EPHA6: variants seen among roughly 807,000 people sequenced by gnomAD.
EPHA6 encodes the protein EPH receptor A6, also known as ephrin type-A receptor 6.
EPHA6 carries 50 observed loss-of-function variants against 112.0 expected under a neutral mutation model. The ratio of observed to expected loss-of-function variants is 0.45; its 90% CI spans 0.36 to 0.56. The LOEUF is 0.56. Among genes scored for constraint, EPHA6 ranks in the 20% least tolerant of loss-of-function variants. The pLI, the probability that EPHA6 is intolerant of heterozygous loss-of-function variation, is 0.00. For missense variants in EPHA6, 1,280 were observed against 1,417.4 expected (o/e 0.90, Z 1.56); for synonymous variants, 529 against 490.7 (o/e 1.08, Z -1.03).
At chr3:97,334,341 G>C (rs78303940) in intron 5 of EPHA6, among the ~76,000 whole-genome samples, 1 of 151,932 alleles carries the variant, frequency 6.6e-6, no homozygotes, top group Non-Finnish European at 1.5e-5. Context: ...TAAAAGAAGA[G>C]ATTTTCTGGA....
rs1469478461 is a variant in EPHA6, at chr3:97,352,474, G to C, written c.1607-52676G>C. ...GCAGCAGCCACATGGCATAGAGAGAGTGTGTGCTTGGAGGAGAGAGAATGC... is the reference window on the plus strand; with the variant it reads ...GCAGCAGCCACATGGCATAGAGAGACTGTGTGCTTGGAGGAGAGAGAATGC... On this transcript the variant is annotated intron_variant, in intron 5 of 17. Coordinates refer to ENST00000389672, the MANE Select transcript of EPHA6 (RefSeq NM_001080448.3). 2.0e-5 allele frequency among the ~76,000 whole-genome samples: 3 copies of C among 152,206 alleles called. No individual in the cohort carries two copies. In the East Asian group the frequency reaches 5.8e-4, roughly 29 times the overall value.
intron 6 of EPHA6, among the ~76,000 whole-genome samples, chr3:97,425,495 G>A (rs1047024418): frequency 2.0e-5 from 3 of 152,238 alleles, no homozygotes; most frequent in Non-Finnish European, 4.4e-5. Context: ...TGGAGTGGCT[G>A]GGATGCAGGG....
intron 10 of EPHA6, among the ~76,000 whole-genome samples, chr3:97,521,052 C>A (rs1192550106): frequency 1.3e-5 from 2 of 151,480 alleles, no homozygotes; most frequent in Non-Finnish European, 2.9e-5. Context: ...CTGCTTGGTT[C>A]TTTTTTTATA....
At chr3:97,322,354 G>A (rs917577453) in intron 5 of EPHA6, among the ~76,000 whole-genome samples, 3 of 151,898 alleles carry the variant, frequency 2.0e-5, no homozygotes, top group Admixed American at 6.6e-5. Context: ...GTTTATGGAA[G>A]GCAAACTCAG....
At chr3:97,085,946 T>TATATATATATATATATATAC (rs952418337) in intron 3 of EPHA6, among the ~76,000 whole-genome samples, 1 of 145,046 alleles carries the variant, frequency 6.9e-6, no homozygotes, top group African/African-American at 2.8e-5. Context: ...TATATATATA[T>TATATATATATATATATATAC]ATACACACTG....
chr3:97,262,857 A>C (rs2108622705), intron 5 of EPHA6, among the ~76,000 whole-genome samples: 1 of 152,234 alleles, frequency 6.6e-6, no homozygotes, highest in Non-Finnish European at 1.5e-5. Flanking sequence ...CTACAATAAA[A>C]CTTGGCTCAT....
intron 3 of EPHA6, among the ~76,000 whole-genome samples, chr3:97,184,826 T>C (rs1324649123): frequency 6.6e-6 from 1 of 152,200 alleles, no homozygotes; most frequent in East Asian, 1.9e-4. Flanking sequence ...ACTTCAAGGC[T>C]ACAGTAACCA....
chr3:97,350,018 C>T (rs764471912), intron 5 of EPHA6, among the ~76,000 whole-genome samples: 19 of 151,354 alleles, frequency 1.3e-4, no homozygotes, highest in Non-Finnish European at 2.1e-4. Context: ...CTACTTCTCA[C>T]GAATTAGATA....
intron 14 of EPHA6, among the ~76,000 whole-genome samples, chr3:97,649,453 A>G (rs997577094): frequency 2.6e-5 from 4 of 152,192 alleles, no homozygotes; most frequent in Middle Eastern, 3.4e-3. Context: ...AAAGCTACAT[A>G]TAGCAGCATA....
At chr3:97,716,714 T>C (rs1189802208) in intron 14 of EPHA6, among the ~76,000 whole-genome samples, 1 of 152,138 alleles carries the variant, frequency 6.6e-6, no homozygotes. Flanking sequence ...CTGTATCCCG[T>C]ATATATCCTC....
chr3:97,523,555 G>A (rs2092575454), intron 10 of EPHA6, among the ~76,000 whole-genome samples: 1 of 152,014 alleles, frequency 6.6e-6, no homozygotes, highest in Non-Finnish European at 1.5e-5. Context: ...GTAAAGGGTT[G>A]TTGAAGCCCA....
intron 6 of EPHA6, among the ~76,000 whole-genome samples, chr3:97,424,048 T>G (rs560239754): frequency 6.6e-6 from 1 of 152,228 alleles, no homozygotes; most frequent in African/African-American, 2.4e-5. Flanking sequence ...GAAAGAGGTT[T>G]AATGGACTCA....
At chr3:96,914,286 A>G (rs899057465) in intron 2 of EPHA6, among the ~76,000 whole-genome samples, 2 of 152,104 alleles carry the variant, frequency 1.3e-5, no homozygotes, top group Non-Finnish European at 2.9e-5. Flanking sequence ...TATCTACTTA[A>G]TTGTCTTGAT....
intron 10 of EPHA6, among the ~76,000 whole-genome samples, chr3:97,502,377 C>T (rs1324502753): frequency 6.6e-6 from 1 of 151,266 alleles, no homozygotes; most frequent in Non-Finnish European, 1.5e-5. Flanking sequence ...CCACGTTGGG[C>T]AGGCTGGTCT....
intron 5 of EPHA6, among the ~76,000 whole-genome samples, chr3:97,251,269 G>A (rs965915095): frequency 2.0e-5 from 3 of 152,058 alleles, no homozygotes; most frequent in Admixed American, 6.6e-5. Context: ...AGTGGCTCAC[G>A]CCTGTAATCT....
intron 16 of EPHA6, among the ~76,000 whole-genome samples, chr3:97,738,640 G>A (rs751424043): frequency 3.3e-5 from 5 of 152,000 alleles, no homozygotes; most frequent in Admixed American, 2.0e-4. Flanking sequence ...TTAGTGGGCT[G>A]TTCAGCAATC....
chr3:97,382,449 T>C (rs1163490467), intron 5 of EPHA6, among the ~76,000 whole-genome samples: 1 of 152,036 alleles, frequency 6.6e-6, no homozygotes, highest in Non-Finnish European at 1.5e-5. Flanking sequence ...CTTTGAAGTT[T>C]TAAATGAAGT....
chr3:97,196,578 G>A (rs893054116), intron 3 of EPHA6, among the ~76,000 whole-genome samples: 7 of 151,930 alleles, frequency 4.6e-5, no homozygotes, highest in South Asian at 2.1e-4. Context: ...TATTTATTAC[G>A]GTCATTTCAG....
chr3:97,220,460 A>G (rs1244873554), intron 3 of EPHA6, among the ~76,000 whole-genome samples: 1 of 152,238 alleles, frequency 6.6e-6, no homozygotes, highest in East Asian at 1.9e-4. Context: ...TTTATAAAGG[A>G]AAGAGGTTTA....
Sources: allele counts gnomAD v4.1 joint callset (sites outside exome capture counted in the v4.1 genomes callset), GRCh38; gene constraint gnomAD v4.1.1; transcripts MANE v1.5; gene names NCBI Gene and HGNC (gene_info 2026-07-23, HGNC 2026-07-21).